The following FAM124B variants were observed in gnomAD, a reference collection of about 807,000 sequenced individuals.
The protein encoded by FAM124B is protein FAM124B.
A neutral mutation model predicts 19.7 loss-of-function variants in FAM124B; 18 were observed. The ratio of observed to expected loss-of-function variants is 0.92; its 90% CI spans 0.63 to 1.36. FAM124B has a LOEUF of 1.36. FAM124B is among the 40% of genes most tolerant of loss of function. The pLI, the probability that FAM124B is intolerant of heterozygous loss-of-function variation, is 0.00. For missense variants in FAM124B, 540 were observed against 553.3 expected, an observed-to-expected ratio of 0.98 and a Z score of 0.24; for synonymous variants, 223 against 225.2, an observed-to-expected ratio of 0.99 and a Z score of 0.09.
chr2:224,383,298 G>C (rs1262541354), intron 1 of FAM124B, among the ~76,000 whole-genome samples: 1 of 152,184 alleles, frequency 6.6e-6, no homozygotes, highest in African/African-American at 2.4e-5. Flanking sequence ...GCTTCGAGTA[G>C]TCAGTTAACT....
intron 1 of FAM124B, among the ~76,000 whole-genome samples, chr2:224,388,006 G>C (rs538378840): frequency 4.5e-4 from 68 of 152,276 alleles, no homozygotes; most frequent in African/African-American, 1.6e-3. Flanking sequence ...TTCTTTAAGA[G>C]ATAATCTTAT....
intron 1 of FAM124B, chr2:224,400,442 A>T (rs1690046626): frequency 2.9e-6 from 2 of 695,884 alleles, no homozygotes; most frequent in East Asian, 5.4e-5. Context: ...GAAGGTGAAG[A>T]CCTCAGGGAG....
chr2:224,401,435 C>T lies in FAM124B; in HGVS notation c.334G>A (p.Ala112Thr), dbSNP rs745606630. The T allele has an allele frequency of 6.2e-7, 1 of 1,613,866 alleles. No individual in the cohort carries two copies. Among genetic ancestry groups the T allele is most frequent in the Non-Finnish European group, 8.5e-7 (1 of 1,179,930 alleles). The part of the protein sequence containing the change: ...TRGRLCPYFF[A>T]NQEFYSLDSQ... ...TCCAGGCTGTAGAACTCCTGATTGG[C>T]AAAAAAGTAGGGACACAGCCTTCCC... The change falls in exon 1 of 2, where the codon GCC becomes ACC. Residue 112 changes from alanine to threonine, a missense_variant. Coordinates refer to ENST00000409685, the MANE Select transcript of FAM124B (RefSeq NM_001122779.2).
intron 1 of FAM124B, among the ~76,000 whole-genome samples, chr2:224,393,502 A>G (rs532926639): frequency 5.2e-4 from 79 of 152,274 alleles, no homozygotes; most frequent in African/African-American, 1.8e-3. Flanking sequence ...ACATCAAACA[A>G]TGGTGGTGGG....
rs369786125 is a variant in FAM124B, at chr2:224,398,138, T to A, written c.732+2899A>T. Among the ~76,000 whole-genome samples, 62 of 152,282 alleles carry A rather than the reference T, an allele frequency of 4.1e-4. 3 individuals carry two copies. The South Asian group carries it at 0.013, about 31-fold the overall frequency. On this transcript the variant is annotated intron_variant, in intron 1 of 1. Coordinates refer to ENST00000409685, the MANE Select transcript of FAM124B (RefSeq NM_001122779.2). ...TAATACACAGAGTCTTGCTCTGTCA[T>A]CTAGGCTGGAGTTCACTGGCACAAT... is the stretch of plus-strand genomic sequence containing the variant.
At position 224,401,071 on chromosome 2, in the gene FAM124B, G is replaced by A. The variant is rs1476355352; in HGVS notation, c.698C>T (p.Thr233Ile). 3.7e-6 allele frequency: 6 copies of A among 1,609,882 alleles called. No individual in the cohort carries two copies. The East Asian group carries it at 1.1e-4, about 30-fold the overall frequency. ...AATCTTGTTGCCATCGTAGTCCTGA[G>A]TCTGCCACCTGGTGCTGCTGATAGG... ...CMPISSTRWQ[T>I]QDYDGNKILL... is the part of the protein sequence containing the mutation. The change falls in exon 1 of 2, where the codon ACT becomes ATT. Residue 233 changes from threonine to isoleucine, a missense_variant. Coordinates refer to ENST00000409685, the MANE Select transcript of FAM124B (RefSeq NM_001122779.2).
chr2:224,380,310 G>T, intron 1 of FAM124B, 102 bp from the exon 2 acceptor site: 1 of 1,063,766 alleles, frequency 9.4e-7, no homozygotes, highest in Non-Finnish European at 1.3e-6. Flanking sequence ...CATGCCCATA[G>T]CAGACTTTCA....
At position 224,401,601 on chromosome 2, in the gene FAM124B, C is replaced by T. The variant is rs746128007; in HGVS notation, c.168G>A (p.Lys56=). Residue 56 remains lysine (K), a synonymous_variant, in exon 1 of 2, where the codon AAG becomes AAA. Transcript: ENST00000409685. The stretch of plus-strand genomic sequence containing the variant: ...GAAACCGGGACCGCTTGGAATGGGA[C>T]TTTTCACAGTATTTCACAGGACTGG... ...ERASPVKYCE[K]SHSKRSRFPG... 1 of 1,614,126 alleles carries T rather than the reference C, an allele frequency of 6.2e-7. No individual in the cohort carries two copies. Among genetic ancestry groups the T allele is most frequent in the Admixed American group, 1.7e-5 (1 of 60,014 alleles).
chr2:224,392,131 T>C (rs2106084372), intron 1 of FAM124B, among the ~76,000 whole-genome samples: 1 of 152,330 alleles, frequency 6.6e-6, no homozygotes, highest in East Asian at 1.9e-4. Flanking sequence ...AAAATTGAAC[T>C]GAATTCTACC....
chr2:224,394,100 C>T (rs150995321), intron 1 of FAM124B, among the ~76,000 whole-genome samples: 301 of 152,286 alleles, frequency 2.0e-3, no homozygotes, highest in African/African-American at 6.9e-3. Context: ...ACAATCTCCT[C>T]GTCCTCCTGG....
intron 1 of FAM124B, among the ~76,000 whole-genome samples, chr2:224,386,813 C>CA (rs1354712817): frequency 6.6e-6 from 1 of 152,156 alleles, no homozygotes; most frequent in East Asian, 1.9e-4. Flanking sequence ...TAATGCTTAA[C>CA]AAAATATGAA....
At chr2:224,383,524 T>C (rs1182861329) in intron 1 of FAM124B, among the ~76,000 whole-genome samples, 1 of 152,106 alleles carries the variant, frequency 6.6e-6, no homozygotes, top group African/African-American at 2.4e-5. Flanking sequence ...GTTTGTTTTT[T>C]TAAAAAAGTC....
chr2:224,392,703 C>A (rs1027309512), intron 1 of FAM124B, among the ~76,000 whole-genome samples: 1 of 150,190 alleles, frequency 6.7e-6, no homozygotes, highest in Non-Finnish European at 1.5e-5. Context: ...TGCAATGAGC[C>A]GAGATCACAC....
Position 224,401,537 on chromosome 2 carries a change from C to T in FAM124B, c.232G>A (p.Gly78Arg). The change falls in exon 1 of 2, where the codon GGA (glycine) becomes AGA (arginine). Residue 78 changes from glycine to arginine, a missense_variant. Transcript: ENST00000409685. ...SVLLFLHESP[G>R]EDRLFRVLDS... ...AGGACGCGAAATAGCCTATCCTCTC[C>T]CGGGCTTTCGTGCAGGAAGAGCAAC... 6.2e-7 allele frequency: 1 copy of T among 1,614,138 alleles called. No homozygotes were observed. The highest frequency in any genetic ancestry group is 8.5e-7 in the Non-Finnish European group (1 of 1,180,016).
chr2:224,386,350 T>C (rs1287224465), intron 1 of FAM124B, among the ~76,000 whole-genome samples: 2 of 152,194 alleles, frequency 1.3e-5, no homozygotes, highest in Admixed American at 6.5e-5. Flanking sequence ...TTACACAGCA[T>C]TGAGAAGGAA....
Position 224,379,741 on chromosome 2 carries a change from C to A in FAM124B, c.1200G>T (p.Leu400Phe). 1 of 1,551,646 alleles carries A rather than the reference C, an allele frequency of 6.4e-7. No homozygotes were observed. Among genetic ancestry groups the A allele is most frequent in the Non-Finnish European group, 8.7e-7 (1 of 1,146,994 alleles). Residue 400 changes from leucine to phenylalanine, a missense_variant, in exon 2 of 2, where the codon TTG becomes TTT. By Grantham distance (22) the Leu-to-Phe change is conservative. Transcript: ENST00000409685. ...TGTTGTTTTTGGAGGTAGCCACCCCCAAGGAAGAGGCTGGCAAGCAGAATG... is the reference window on the plus strand; with the variant it reads ...TGTTGTTTTTGGAGGTAGCCACCCCAAAGGAAGAGGCTGGCAAGCAGAATG... ...QPPFCLPASS[L>F]GVATSKNNSV...
intron 1 of FAM124B, among the ~76,000 whole-genome samples, chr2:224,382,661 G>A (rs1281636528): frequency 2.6e-5 from 4 of 152,038 alleles, no homozygotes; most frequent in African/African-American, 9.7e-5. Context: ...CATCCACCTT[G>A]GCCTCCCAAA....
intron 1 of FAM124B, among the ~76,000 whole-genome samples, chr2:224,387,833 A>G (rs1389431468): frequency 6.6e-6 from 1 of 152,212 alleles, no homozygotes; most frequent in African/African-American, 2.4e-5. Flanking sequence ...AGCCCTCAAG[A>G]AATGCTAGAG....
chr2:224,388,580 T>A (rs978152790), intron 1 of FAM124B, among the ~76,000 whole-genome samples: 1 of 152,134 alleles, frequency 6.6e-6, no homozygotes, highest in Non-Finnish European at 1.5e-5. Flanking sequence ...AACGGTGAGT[T>A]TGATTTAATG....
Sources: allele counts gnomAD v4.1 joint callset (sites outside exome capture counted in the v4.1 genomes callset), GRCh38; gene constraint gnomAD v4.1.1; transcripts MANE v1.5; gene names NCBI Gene and HGNC (gene_info 2026-07-23, HGNC 2026-07-21).